The following DCUN1D3 variants were observed in gnomAD, a reference collection of about 807,000 sequenced individuals.
DCUN1D3 encodes defective in cullin neddylation 1 domain containing 3.
A neutral mutation model predicts 24.8 loss-of-function variants in DCUN1D3; 6 were observed. The ratio of observed to expected loss-of-function variants is 0.24; its 90% CI spans 0.13 to 0.48. The LOEUF is 0.48. Ranked by LOEUF, DCUN1D3 falls within the 20% of genes least tolerant of loss-of-function variation. The pLI is 0.99. For synonymous variants in DCUN1D3, 120 were observed against 144.9 expected, an observed-to-expected ratio of 0.83 and a Z score of 1.24; for missense variants, 258 against 379.4, an observed-to-expected ratio of 0.68 and a Z score of 2.66.
At position 20,860,892 on chromosome 16, in the gene DCUN1D3, T is replaced by G. The variant is rs1156374269; in HGVS notation, c.432-523A>C. On this transcript the variant is annotated intron_variant, in intron 2 of 2. Coordinates refer to ENST00000324344, the MANE Select transcript of DCUN1D3 (RefSeq NM_173475.4). This position sits in a 1 kb window ranked among gnomAD's most constrained non-coding sequence, Gnocchi z 4.3. ...AATTCTATTATTAAAAAACAAAAAT[T>G]ATGTATGTATTTTTAACATCTATAC... Among the ~76,000 whole-genome samples the G allele has an allele frequency of 6.6e-6, 1 of 152,188 alleles. No individual in the cohort carries two copies. The highest frequency in any genetic ancestry group is 2.4e-5 in the African/African-American group (1 of 41,434).
At chr16:20,875,024 T>C (rs1286019125) in intron 1 of DCUN1D3, among the ~76,000 whole-genome samples, 1 of 152,152 alleles carries the variant, frequency 6.6e-6, no homozygotes, top group Non-Finnish European at 1.5e-5. Context: ...CTGCCAAAAT[T>C]GCTGCCACCT....
At chr16:20,883,743 C>A (rs541710983) in intron 1 of DCUN1D3, among the ~76,000 whole-genome samples, 16 of 152,184 alleles carry the variant, frequency 1.1e-4, no homozygotes, top group African/African-American at 3.9e-4. Flanking sequence ...GGGGAAAAGG[C>A]AACTGGAAAG....
intron 1 of DCUN1D3, among the ~76,000 whole-genome samples, chr16:20,870,555 A>C (rs2081783362): frequency 6.6e-6 from 1 of 152,216 alleles, no homozygotes. Context: ...CAAGGAACAG[A>C]CTTGTGAAAT....
rs118171304 is a variant in DCUN1D3 at position 20,881,611 on chromosome 16, A to T, written c.-106+18593T>A. Among the ~76,000 whole-genome samples the T allele has an allele frequency of 3.3e-3, 503 of 152,020 alleles. 13 individuals carry two copies. The East Asian group carries it at 0.063, about 19-fold the overall frequency. ...TGCCTGAAACAACGTTAGGCATTTT[A>T]CAGTCATGATAGCATTTACTCTCCA... is the stretch of plus-strand genomic sequence containing the variant. On this transcript the variant is annotated intron_variant, in intron 1 of 2. Transcript: ENST00000324344.
rs534469883 is a variant in DCUN1D3 at position 20,875,216 on chromosome 16, A to G, written c.-105-12573T>C. On this transcript the variant is annotated intron_variant, in intron 1 of 2. Transcript: ENST00000324344. ...ATAAACTGCGTGCGCTCATGCACAC[A>G]CACACACACACACACACACACACAC... Among the ~76,000 whole-genome samples, 903 of 110,864 alleles carry G rather than the reference A, an allele frequency of 8.1e-3. 12 individuals are homozygous for G. Among genetic ancestry groups the G allele is most frequent in the African/African-American group, 0.032 (820 of 25,652 alleles). 72.7% of individuals were successfully genotyped at this position (110,864 alleles called of 152,430 possible).
At chr16:20,861,490 C>T (rs2081732379) in intron 2 of DCUN1D3, among the ~76,000 whole-genome samples, 1 of 152,140 alleles carries the variant, frequency 6.6e-6, no homozygotes, top group Admixed American at 6.5e-5. Flanking sequence ...GAGGCACTTA[C>T]TATATTGGTA....
chr16:20,876,173 G>A, intron 1 of DCUN1D3, among the ~76,000 whole-genome samples: 1 of 151,912 alleles, frequency 6.6e-6, no homozygotes, highest in Non-Finnish European at 1.5e-5. Flanking sequence ...CACCATGTTG[G>A]CCAGGCTGGT....
Position 20,877,484 on chromosome 16 carries a change from A to T in DCUN1D3, c.-105-14841T>A, listed in dbSNP as rs114497949. On this transcript the variant is annotated intron_variant, in intron 1 of 2. Coordinates refer to ENST00000324344, the MANE Select transcript of DCUN1D3 (RefSeq NM_173475.4). Reference sequence around the variant, plus strand: ...TAATAGCAGGCATTTTACCTGCCTTATTCGCCACTTTACCCTGTGCACCTA... The same window carrying T: ...TAATAGCAGGCATTTTACCTGCCTTTTTCGCCACTTTACCCTGTGCACCTA... Among the ~76,000 whole-genome samples the T allele has an allele frequency of 2.5e-3, 375 of 152,312 alleles. 3 individuals are homozygous for T. Among genetic ancestry groups the T allele is most frequent in the African/African-American group, 8.2e-3 (339 of 41,566 alleles).
At position 20,860,466 on chromosome 16, in the gene DCUN1D3, G is replaced by A; in HGVS notation, c.432-97C>T. On this transcript the variant is annotated intron_variant, in intron 2 of 2. Transcript: ENST00000324344. This position sits in a 1 kb window ranked among gnomAD's most constrained non-coding sequence, Gnocchi z 4.3. The stretch of plus-strand genomic sequence containing the variant: ...AAGAGCAAGGCTTTCAGGCCAGATG[G>A]TCTGAATTTGAATTCTAACTCCTCC... 1 of 1,318,002 alleles carries A rather than the reference G, an allele frequency of 7.6e-7. No individual in the cohort carries two copies. Among genetic ancestry groups the A allele is most frequent in the South Asian group, 1.5e-5 (1 of 66,330 alleles). 81.6% of individuals were successfully genotyped at this position (1,318,002 alleles called of 1,614,324 possible).
intron 1 of DCUN1D3, among the ~76,000 whole-genome samples, chr16:20,880,842 A>G (rs938828313): frequency 5.3e-5 from 8 of 152,244 alleles, no homozygotes; most frequent in Admixed American, 3.3e-4. Context: ...ATTTTTACAC[A>G]TATCAACTAA....
chr16:20,862,755 C>G, intron 1 of DCUN1D3, 112 bp from the exon 2 acceptor site: 1 of 1,049,870 alleles, frequency 9.5e-7, no homozygotes, highest in South Asian at 1.9e-5. Flanking sequence ...CAACAACGAA[C>G]CATGGGAGAG....
rs2152515597 is a variant in DCUN1D3, at chr16:20,858,454, A to C, written c.*1432T>G. The C allele has an allele frequency of 6.6e-6, 1 of 152,446 alleles. No individual in the cohort carries two copies. The highest frequency in any genetic ancestry group is 2.4e-5 in the African/African-American group (1 of 41,496). 9.4% of individuals were successfully genotyped at this position (152,446 alleles called of 1,614,324 possible). On this transcript the variant is annotated 3_prime_UTR_variant, in exon 3 of 3. Transcript: ENST00000324344. ...ACTCTTCTTATACTTTATACATTGA[A>C]GGCAGCTCCCTCTTTTATGGCCAGT...
chr16:20,863,601 T>C (rs1044056704), intron 1 of DCUN1D3, among the ~76,000 whole-genome samples: 2 of 152,002 alleles, frequency 1.3e-5, no homozygotes, highest in Non-Finnish European at 2.9e-5. Flanking sequence ...AAAAAATTAG[T>C]TGGGTGTGGT....
In DCUN1D3 at chr16:20,860,501, G is replaced by T; in HGVS notation, c.432-132C>A. 1 of 951,092 alleles carries T rather than the reference G, an allele frequency of 1.1e-6. No individual in the cohort carries two copies. The highest frequency in any genetic ancestry group is 1.5e-6 in the Non-Finnish European group (1 of 657,454). The allele number at this position is 951,092 out of a possible 1,614,324, so 58.9% of individuals were successfully genotyped here. On this transcript the variant is annotated intron_variant, in intron 2 of 2. Transcript: ENST00000324344. This position sits in a 1 kb window ranked among gnomAD's most constrained non-coding sequence, Gnocchi z 4.3. Reference sequence around the variant, plus strand: ...GAATTCTAACTCCTCCAACTAATTAGTCCTATTTCCTTACTTGTCAAATGG... The same window carrying T: ...GAATTCTAACTCCTCCAACTAATTATTCCTATTTCCTTACTTGTCAAATGG...
At chr16:20,894,355 G>C (rs1448570854) in intron 1 of DCUN1D3, among the ~76,000 whole-genome samples, 1 of 152,184 alleles carries the variant, frequency 6.6e-6, no homozygotes, top group African/African-American at 2.4e-5. Flanking sequence ...GGCAGAAAGA[G>C]GGGCAGTGGC....
At chr16:20,872,735 A>G (rs962347384) in intron 1 of DCUN1D3, among the ~76,000 whole-genome samples, 3 of 151,758 alleles carry the variant, frequency 2.0e-5, no homozygotes, top group Non-Finnish European at 4.4e-5. Context: ...AGGCATAAAG[A>G]AAAAAAAAGC....
In DCUN1D3 at chr16:20,862,518, C is replaced by T. The variant is rs2081738929; in HGVS notation, c.21G>A (p.Lys7=). The T allele has an allele frequency of 4.4e-6, 7 of 1,604,740 alleles. No homozygotes were observed. Among genetic ancestry groups the T allele is most frequent in the Middle Eastern group, 3.3e-4 (2 of 6,082 alleles). Residue 7 remains lysine (K), a synonymous_variant, in exon 2 of 3, where the codon AAG becomes AAA. Transcript: ENST00000324344. ...CCAGGGTCGATGAGGGATTCTTACA[C>T]TTGGTGACACACTGGCCCATGGTGC... MGQCVT[K]CKNPSSTLGS...
At chr16:20,876,999 A>G (rs1316571139) in intron 1 of DCUN1D3, among the ~76,000 whole-genome samples, 1 of 152,174 alleles carries the variant, frequency 6.6e-6, no homozygotes, top group Non-Finnish European at 1.5e-5. Context: ...GTGGGTACAA[A>G]CAGAAGTAAG....
At chr16:20,897,763 T>C (rs1260237844) in intron 1 of DCUN1D3, among the ~76,000 whole-genome samples, 1 of 152,212 alleles carries the variant, frequency 6.6e-6, no homozygotes, top group Non-Finnish European at 1.5e-5. Context: ...AACATCCTGC[T>C]GAAAATCTGA....
Sources: gnomAD v4.1 joint callset for allele counts (sites outside exome capture counted in the v4.1 genomes callset) on GRCh38, gnomAD v4.1.1 for gene constraint, Gnocchi (gnomAD v3.1) non-coding constraint, MANE v1.5 for transcripts, NCBI Gene and HGNC (gene_info 2026-07-23, HGNC 2026-07-21) for gene names.